The following NOS1AP variants were observed in gnomAD, a reference collection of about 807,000 sequenced individuals.
NOS1AP encodes the protein carboxyl-terminal PDZ ligand of neuronal nitric oxide synthase protein.
In NOS1AP, 21 loss-of-function variants were observed where a neutral mutation model predicts 56.2. That is an observed-to-expected ratio of 0.37 (90% CI 0.26 to 0.54). NOS1AP has a LOEUF of 0.54. NOS1AP is among the 20% of genes least tolerant of loss of function. NOS1AP has a pLI of 0.84. For synonymous variants in NOS1AP, 270 were observed against 274.6 expected, an observed-to-expected ratio of 0.98 and a Z score of 0.17; for missense variants, 522 against 657.8, an observed-to-expected ratio of 0.79 and a Z score of 2.26.
rs978793707 is a variant in NOS1AP, at chr1:162,356,904, G to T, written c.763-56G>T. 1.9e-5 allele frequency: 30 copies of T among 1,612,398 alleles called. No homozygotes were observed. In the African/African-American group the frequency reaches 3.6e-4, roughly 19 times the overall value. On this transcript the variant is annotated intron_variant, in intron 7 of 9. Transcript: ENST00000361897. ...CTGAGTGCATGCCAAAGAGAGGGAG[G>T]CCCCTCAAGATGGCTCCTGCCACAT...
At chr1:162,303,043 A>G (rs1402423186) in intron 4 of NOS1AP, among the ~76,000 whole-genome samples, 1 of 152,174 alleles carries the variant, frequency 6.6e-6, no homozygotes, top group Non-Finnish European at 1.5e-5. Flanking sequence ...TTTTATAGGT[A>G]TATCACAGCT....
At chr1:162,126,425 G>T (rs1648490365) in intron 1 of NOS1AP, among the ~76,000 whole-genome samples, 1 of 152,004 alleles carries the variant, frequency 6.6e-6, no homozygotes, top group Non-Finnish European at 1.5e-5. Context: ...CAGAAATGAT[G>T]CCATATCCTT....
Position 162,180,553 on chromosome 1 carries a change from C to T in NOS1AP, c.177+26077C>T, listed in dbSNP as rs559548621. Among the ~76,000 whole-genome samples the T allele has an allele frequency of 3.3e-5, 5 of 152,224 alleles. No homozygotes were observed. The South Asian group carries it at 8.3e-4, about 25-fold the overall frequency. On this transcript the variant is annotated intron_variant, in intron 2 of 9. Transcript: ENST00000361897. ...GCCACCGCGCCCGGCCAATGTGTTACGTTATTTAAGACCCCATTTTAGCAG... is the reference window on the plus strand; with the variant it reads ...GCCACCGCGCCCGGCCAATGTGTTATGTTATTTAAGACCCCATTTTAGCAG...
intron 2 of NOS1AP, among the ~76,000 whole-genome samples, chr1:162,162,705 AC>A (rs1296263186): frequency 6.6e-6 from 1 of 152,116 alleles, no homozygotes; most frequent in African/African-American, 2.4e-5. Context: ...ATTTATGTAA[AC>A]CCTGTAAGTA....
chr1:162,369,447 A>T lies in NOS1AP; in HGVS notation c.*1980A>T, dbSNP rs191283711. 1 of 107,416 alleles carries T rather than the reference A, an allele frequency of 9.3e-6. No homozygotes were observed. The highest frequency in any genetic ancestry group is 3.8e-5 in the African/African-American group (1 of 26,402). 6.7% of individuals were successfully genotyped at this position (107,416 alleles called of 1,614,324 possible). On this transcript the variant is annotated 3_prime_UTR_variant, in exon 10 of 10. Coordinates refer to ENST00000361897, the MANE Select transcript of NOS1AP (RefSeq NM_014697.3). Reference sequence around the variant, plus strand: ...TAGATTATTAAGATTTTGAACGTCCAGAGGAGTGAAAAGTCTGTTTTCTGA... The same window carrying T: ...TAGATTATTAAGATTTTGAACGTCCTGAGGAGTGAAAAGTCTGTTTTCTGA...
At chr1:162,280,877 G>T (rs1247105807) in intron 2 of NOS1AP, among the ~76,000 whole-genome samples, 1 of 152,022 alleles carries the variant, frequency 6.6e-6, no homozygotes, top group Non-Finnish European at 1.5e-5. Context: ...TCAAACTTTG[G>T]TGTTGGTCAT....
intron 3 of NOS1AP, among the ~76,000 whole-genome samples, chr1:162,291,513 C>CT (rs1156663964): frequency 6.6e-6 from 1 of 151,900 alleles, no homozygotes; most frequent in Non-Finnish European, 1.5e-5. Context: ...GGATGAGATC[C>CT]TTTCTCAAAT....
At chr1:162,155,289 C>CATATATATGT (rs1649907588) in intron 2 of NOS1AP, among the ~76,000 whole-genome samples, 1 of 142,008 alleles carries the variant, frequency 7.0e-6, no homozygotes, top group Non-Finnish European at 1.5e-5. Context: ...CACATATATA[C>CATATATATGT]ATATATATGT....
At chr1:162,135,618 C>A (rs74125922) in intron 1 of NOS1AP, among the ~76,000 whole-genome samples, 11 of 152,074 alleles carry the variant, frequency 7.2e-5, no homozygotes, top group African/African-American at 2.7e-4. Flanking sequence ...CCCAGGTTTG[C>A]GTTGTAATAC....
chr1:162,294,812 T>C (rs1485458060), intron 3 of NOS1AP, among the ~76,000 whole-genome samples: 1 of 152,194 alleles, frequency 6.6e-6, no homozygotes, highest in Non-Finnish European at 1.5e-5. Flanking sequence ...AATTTGGGCA[T>C]GGCAGAATGC....
intron 8 of NOS1AP, among the ~76,000 whole-genome samples, chr1:162,360,035 C>A (rs1220078602): frequency 1.4e-5 from 2 of 145,346 alleles, no homozygotes; most frequent in Non-Finnish European, 3.0e-5. Flanking sequence ...CCATTTCTTC[C>A]CACAGACTAG....
chr1:162,223,012 C>T (rs1315882934), intron 2 of NOS1AP, among the ~76,000 whole-genome samples: 1 of 152,198 alleles, frequency 6.6e-6, no homozygotes, highest in African/African-American at 2.4e-5. Context: ...CACTTCAGCT[C>T]ATTTATTGGT....
chr1:162,308,537 G>A (rs979225539), intron 4 of NOS1AP, among the ~76,000 whole-genome samples: 1 of 152,200 alleles, frequency 6.6e-6, no homozygotes, highest in Non-Finnish European at 1.5e-5. Flanking sequence ...ACTGAGGGAT[G>A]TGTGTTCTGG....
chr1:162,269,650 G>A (rs1654524760), intron 2 of NOS1AP, among the ~76,000 whole-genome samples: 1 of 152,154 alleles, frequency 6.6e-6, no homozygotes, highest in Admixed American at 6.5e-5. Flanking sequence ...ATGACATATT[G>A]TTATGGAACT....
intron 1 of NOS1AP, among the ~76,000 whole-genome samples, chr1:162,135,129 T>TGGTAGATATAA (rs1648936970): frequency 6.6e-6 from 1 of 152,262 alleles, no homozygotes; most frequent in African/African-American, 2.4e-5. Context: ...CTACTGGACT[T>TGGTAGATATAA]GGTAGATATA....
chr1:162,365,702 C>T (rs559592953), intron 9 of NOS1AP, 133 bp downstream of exon 9: 3 of 1,099,650 alleles, frequency 2.7e-6, no homozygotes, highest in Non-Finnish European at 4.0e-6. Context: ...ACATAGGCAG[C>T]TTTGTTTTCC....
In NOS1AP at chr1:162,367,871, G is replaced by A. The variant is rs41378649; in HGVS notation, c.*404G>A. The stretch of plus-strand genomic sequence containing the variant: ...CCGTCTCCATGGTCCCGACCAGGAA[G>A]GGAAGCCATCGGTACCTTCTCAGGT... On this transcript the variant is annotated 3_prime_UTR_variant, in exon 10 of 10. Transcript: ENST00000361897. The surrounding 1 kb of genome is among the most constrained non-coding windows in gnomAD (Gnocchi z 6.5). 523 of 190,550 alleles carry A rather than the reference G, an allele frequency of 2.7e-3. 7 individuals carry two copies. The East Asian group carries it at 0.035, about 13-fold the overall frequency. The allele number at this position is 190,550 out of a possible 1,614,324, so 11.8% of individuals were successfully genotyped here.
chr1:162,106,083 G>C (rs1276845394), intron 1 of NOS1AP, among the ~76,000 whole-genome samples: 1 of 152,226 alleles, frequency 6.6e-6, no homozygotes, highest in African/African-American at 2.4e-5. Flanking sequence ...ATTCCACACA[G>C]CTCTCTGTAT....
chr1:162,198,638 G>A (rs768063460), intron 2 of NOS1AP, among the ~76,000 whole-genome samples: 1 of 152,208 alleles, frequency 6.6e-6, no homozygotes, highest in South Asian at 2.1e-4. Flanking sequence ...GTGTCAAAAT[G>A]CAGCAAATCT....
Sources: gnomAD v4.1 joint callset for allele counts (sites outside exome capture counted in the v4.1 genomes callset) on GRCh38, gnomAD v4.1.1 for gene constraint, Gnocchi (gnomAD v3.1) non-coding constraint, MANE v1.5 for transcripts, NCBI Gene and HGNC (gene_info 2026-07-23, HGNC 2026-07-21) for gene names.